SETMAR: variants seen among roughly 807,000 people sequenced by gnomAD.
SETMAR encodes SET and mariner transposase domain methyltransferase, also known as histone-lysine N-methyltransferase SETMAR.
Under a neutral mutation model 58.4 loss-of-function variants are expected in SETMAR, and 44 were observed. The ratio of observed to expected loss-of-function variants is 0.75; its 90% confidence interval spans 0.59 to 0.97. The LOEUF is 0.97. Among genes scored for constraint, SETMAR ranks in the 50% least tolerant of loss-of-function variants. SETMAR has a pLI of 0.00. For missense variants in SETMAR, 903 were observed against 840.2 expected, an observed-to-expected ratio of 1.07 and a Z score of -0.92; for synonymous variants, 332 against 307.4, an observed-to-expected ratio of 1.08 and a Z score of -0.84.
At chr3:4,309,027 C>A (rs971315719) in intron 1 of SETMAR, among the ~76,000 whole-genome samples, 3 of 152,214 alleles carry the variant, frequency 2.0e-5, no homozygotes, top group South Asian at 4.2e-4. Flanking sequence ...TTGGTTCAGT[C>A]CAGAAAGACA....
intron 1 of SETMAR, chr3:4,304,033 G>C: frequency 4.1e-6 from 1 of 242,830 alleles, no homozygotes; most frequent in Non-Finnish European, 8.2e-6. Flanking sequence ...CAGTGGAACA[G>C]TACCTCTCTT....
At chr3:4,305,050 G>C (rs1473848590) in intron 1 of SETMAR, among the ~76,000 whole-genome samples, 1 of 152,138 alleles carries the variant, frequency 6.6e-6, no homozygotes, top group Non-Finnish European at 1.5e-5. Context: ...GGTTGAGTTT[G>C]TCTGAAGACC....
Position 4,313,289 on chromosome 3 carries a change from A to G in SETMAR, c.548A>G (p.His183Arg). 6.2e-7 allele frequency: 1 copy of G among 1,613,934 alleles called. No homozygotes were observed. Among genetic ancestry groups the G allele is most frequent in the Non-Finnish European group, 8.5e-7 (1 of 1,179,920 alleles). ...LGFSEVQRRI[H>R]LQTKSDSNYI... The stretch of plus-strand genomic sequence containing the variant: ...TTCTCTGAAGTTCAGAGAAGAATTC[A>G]CTTACAAACAAAATCCGACTCCAAT... The change falls in exon 2 of 3, where the codon CAC (histidine) becomes CGC (arginine). Residue 183 changes from histidine to arginine, a missense_variant. His to Arg is a conservative substitution (Grantham distance 29). Transcript: ENST00000358065.
intron 1 of SETMAR, among the ~76,000 whole-genome samples, chr3:4,311,067 AACAAC>A: frequency 6.6e-6 from 1 of 152,310 alleles, no homozygotes. Context: ...AGCTGTAAGA[AACAAC>A]ACAAACAAAA....
At chr3:4,309,060 C>A (rs1478918448) in intron 1 of SETMAR, among the ~76,000 whole-genome samples, 2 of 152,290 alleles carry the variant, frequency 1.3e-5, no homozygotes, top group African/African-American at 4.8e-5. Context: ...GCAGAGGCTT[C>A]CAGTTTCTGA....
At position 4,313,190 on chromosome 3, in the gene SETMAR, G is replaced by T. The variant is rs535462490; in HGVS notation, c.449G>T (p.Gly150Val). 2 of 1,613,880 alleles carry T rather than the reference G, an allele frequency of 1.2e-6. No individual in the cohort carries two copies. The highest frequency in any genetic ancestry group is 1.1e-5 in the South Asian group (1 of 91,084). ...CAAGTGTTCAAGACGCATAAAAAAG[G>T]CTGGGGACTTCGTACCTTGGAATTT... ...HFQVFKTHKKGWGLRTLEFIP... is the reference protein window; with the variant it reads ...HFQVFKTHKKVWGLRTLEFIP... Residue 150 changes from glycine to valine, a missense_variant, in exon 2 of 3, where the codon GGC becomes GTC. By Grantham distance (109) the Gly-to-Val change is moderately radical. Transcript: ENST00000358065.
intron 2 of SETMAR, 144 bp from the exon 3 acceptor site, chr3:4,316,068 A>T: frequency 2.0e-6 from 1 of 489,140 alleles, no homozygotes; most frequent in Non-Finnish European, 3.6e-6. Flanking sequence ...AAAAAAAAAA[A>T]GTAACAGTTT....
At chr3:4,308,987 G>C (rs1012747214) in intron 1 of SETMAR, among the ~76,000 whole-genome samples, 1 of 152,210 alleles carries the variant, frequency 6.6e-6, no homozygotes, top group African/African-American at 2.4e-5. Context: ...GGAGACATGA[G>C]ACAACAGTCA....
chr3:4,313,804 G>A (rs1244613381), intron 2 of SETMAR, 43 bp downstream of exon 2: 2 of 1,608,504 alleles, frequency 1.2e-6, no homozygotes, highest in African/African-American at 2.7e-5. Context: ...TCCCTATAGT[G>A]GAAGACAGTG....
At chr3:4,315,576 C>CA (rs900922124) in intron 2 of SETMAR, among the ~76,000 whole-genome samples, 1 of 152,132 alleles carries the variant, frequency 6.6e-6, no homozygotes, top group African/African-American at 2.4e-5. Context: ...AGGTAAGAGT[C>CA]AAAGAGTCTT....
At chr3:4,304,979 G>A (rs184649999) in intron 1 of SETMAR, among the ~76,000 whole-genome samples, 10 of 151,328 alleles carry the variant, frequency 6.6e-5, no homozygotes, top group Non-Finnish European at 1.3e-4. Flanking sequence ...TGGTGGGGGG[G>A]GCTTCCAGAC....
At chr3:4,315,922 CTG>C (rs1299245869) in intron 2 of SETMAR, among the ~76,000 whole-genome samples, 1 of 151,688 alleles carries the variant, frequency 6.6e-6, no homozygotes, top group African/African-American at 2.4e-5. Context: ...TGGCACATGT[CTG>C]TAGTCCCAGC....
chr3:4,307,366 C>T (rs1206596494), intron 1 of SETMAR, among the ~76,000 whole-genome samples: 1 of 152,128 alleles, frequency 6.6e-6, no homozygotes, highest in Non-Finnish European at 1.5e-5. Flanking sequence ...ATGCCACACT[C>T]GAAACCTCAT....
At chr3:4,307,646 A>G (rs1445856785) in intron 1 of SETMAR, among the ~76,000 whole-genome samples, 3 of 152,202 alleles carry the variant, frequency 2.0e-5, no homozygotes, top group Admixed American at 1.3e-4. Flanking sequence ...TTTTGCCGTG[A>G]TTGTTTTGCA....
In SETMAR at chr3:4,317,113, A is replaced by G. The variant is rs1165182363; in HGVS notation, c.1922A>G (p.Asn641Ser). The change falls in exon 3 of 3, where the codon AAC (asparagine) becomes AGC (serine). Residue 641 changes from asparagine to serine, a missense_variant. Transcript: ENST00000358065. The part of the protein sequence containing the change: ...NNFLQGKRFH[N>S]QQDAENAFQE... ...TTTTTGCAGGGAAAACGCTTCCACA[A>G]CCAGCAGGATGCAGAAAATGCTTTC... The G allele has an allele frequency of 6.5e-7, 1 of 1,545,104 alleles. No homozygotes were observed. Among genetic ancestry groups the G allele is most frequent in the Admixed American group, 2.0e-5 (1 of 50,982 alleles).
chr3:4,306,390 G>T (rs749090442), intron 1 of SETMAR, among the ~76,000 whole-genome samples: 1 of 151,738 alleles, frequency 6.6e-6, no homozygotes, highest in African/African-American at 2.4e-5. Flanking sequence ...AAATAAATAC[G>T]TCTATTTTTA....
At chr3:4,308,569 G>A (rs540181276) in intron 1 of SETMAR, among the ~76,000 whole-genome samples, 1 of 152,160 alleles carries the variant, frequency 6.6e-6, no homozygotes, top group Admixed American at 6.5e-5. Flanking sequence ...CCAAATGTGG[G>A]TATTATCCTT....
chr3:4,303,841 C>T lies in SETMAR; in HGVS notation c.156+315C>T, dbSNP rs145364454. 3 of 1,338,628 alleles carry T rather than the reference C, an allele frequency of 2.2e-6. No individual in the cohort carries two copies. In the East Asian group the frequency reaches 1.5e-4, roughly 65 times the overall value. The allele number at this position is 1,338,628 out of a possible 1,614,324, so 82.9% of individuals were successfully genotyped here. On this transcript the variant is annotated intron_variant, in intron 1 of 2. Transcript: ENST00000358065. ...GAGGCATCACGGGGGGAGTCATTTA[C>T]CTCCCTGGTCTCAGGTGTCTCTCAC...
intron 2 of SETMAR, 87 bp downstream of exon 2, chr3:4,313,848 GT>G (rs747258285): frequency 3.2e-6 from 5 of 1,576,254 alleles, no homozygotes; most frequent in Non-Finnish European, 4.3e-6. Context: ...AGTTACATAA[GT>G]TTAACTCAGG....
Sources: allele counts gnomAD v4.1 joint callset (sites outside exome capture counted in the v4.1 genomes callset), GRCh38; gene constraint gnomAD v4.1.1; transcripts MANE v1.5; gene names NCBI Gene and HGNC (gene_info 2026-07-23, HGNC 2026-07-21).